SENP7: variants seen among roughly 807,000 people sequenced by gnomAD.
SENP7 encodes SUMO specific peptidase 7.
A neutral mutation model predicts 141.2 loss-of-function variants in SENP7; 64 were observed. The ratio of observed to expected loss-of-function variants is 0.45; its 90% confidence interval spans 0.37 to 0.56. SENP7 has a LOEUF of 0.56. Ranked by LOEUF, SENP7 falls within the 20% of genes least tolerant of loss-of-function variation. The pLI is 0.00. For missense variants in SENP7, 1,025 were observed against 1,212.2 expected (o/e 0.85, Z 2.29); for synonymous variants, 382 against 426.4 (o/e 0.90, Z 1.28).
intron 1 of SENP7, among the ~76,000 whole-genome samples, chr3:101,512,599 A>C (rs1010880573): frequency 6.6e-6 from 1 of 152,194 alleles, no homozygotes; most frequent in Admixed American, 6.5e-5. Flanking sequence ...GTATCAAAGA[A>C]AAGGAGTCTC....
At chr3:101,489,864 C>T (rs555987350) in intron 3 of SENP7, among the ~76,000 whole-genome samples, 20 of 152,250 alleles carry the variant, frequency 1.3e-4, no homozygotes, top group African/African-American at 4.3e-4. Context: ...TTTTTAACGT[C>T]ATTAGTCATC....
At chr3:101,420,206 A>G (rs1024319803) in intron 4 of SENP7, among the ~76,000 whole-genome samples, 2 of 152,204 alleles carry the variant, frequency 1.3e-5, no homozygotes, top group African/African-American at 4.8e-5. Flanking sequence ...TCTCTACTAA[A>G]AAATACAAAA....
intron 1 of SENP7, among the ~76,000 whole-genome samples, chr3:101,505,135 G>A (rs1002393994): frequency 2.0e-5 from 3 of 152,142 alleles, no homozygotes; most frequent in Non-Finnish European, 4.4e-5. Flanking sequence ...ATAAGTAGGG[G>A]CTAAATAATG....
chr3:101,336,434 T>C lies in SENP7; in HGVS notation c.2480+1075A>G, dbSNP rs191691731. Among the ~76,000 whole-genome samples the C allele has an allele frequency of 2.6e-5, 4 of 152,334 alleles. No homozygotes were observed. In the East Asian group the frequency reaches 7.7e-4, roughly 29 times the overall value. On this transcript the variant is annotated intron_variant, in intron 17 of 23. Coordinates refer to ENST00000394095, the MANE Select transcript of SENP7 (RefSeq NM_020654.5). ...ACAATAAAAACTTTGGACTAGAAGT[T>C]AAAAGGTAAAGATTTAAGTACCAAC...
intron 5 of SENP7, among the ~76,000 whole-genome samples, chr3:101,404,153 T>TA (rs1438129704): frequency 1.6e-4 from 25 of 152,226 alleles, no homozygotes; most frequent in Admixed American, 1.6e-3. Flanking sequence ...AGAATCACCT[T>TA]ACATCCCTTC....
At chr3:101,480,692 G>T (rs2064433267) in intron 3 of SENP7, among the ~76,000 whole-genome samples, 2 of 152,014 alleles carry the variant, frequency 1.3e-5, no homozygotes, top group South Asian at 4.1e-4. Flanking sequence ...AGAATGAAGA[G>T]ACAGTCTAAA....
intron 5 of SENP7, among the ~76,000 whole-genome samples, chr3:101,401,528 CAA>C (rs60381137): frequency 1.5e-5 from 2 of 130,288 alleles, no homozygotes; most frequent in African/African-American, 2.9e-5. Flanking sequence ...CACTCCATCT[CAA>C]AAAAAAAAAG....
At chr3:101,418,731 C>T (rs1198441835) in intron 4 of SENP7, among the ~76,000 whole-genome samples, 1 of 151,632 alleles carries the variant, frequency 6.6e-6, no homozygotes, top group Non-Finnish European at 1.5e-5. Flanking sequence ...TGTATATCCC[C>T]AAACCATCTA....
At chr3:101,395,486 C>T (rs150830145) in intron 6 of SENP7, among the ~76,000 whole-genome samples, 103 of 152,236 alleles carry the variant, frequency 6.8e-4, no homozygotes, top group African/African-American at 2.3e-3. Context: ...TGTTCTGTTC[C>T]GTTGGCCTAT....
At chr3:101,511,360 TA>T (rs1445479203) in intron 1 of SENP7, among the ~76,000 whole-genome samples, 1 of 152,172 alleles carries the variant, frequency 6.6e-6, no homozygotes, top group Non-Finnish European at 1.5e-5. Flanking sequence ...AAAAATGTAT[TA>T]AACCTAGATG....
chr3:101,335,150 G>C (rs2059152437), intron 17 of SENP7, among the ~76,000 whole-genome samples: 1 of 152,132 alleles, frequency 6.6e-6, no homozygotes, highest in African/African-American at 2.4e-5. Flanking sequence ...AGTTGTTTCA[G>C]GCAGAAAATA....
At chr3:101,496,035 T>C (rs2065145857) in intron 2 of SENP7, among the ~76,000 whole-genome samples, 1 of 152,176 alleles carries the variant, frequency 6.6e-6, no homozygotes, top group Non-Finnish European at 1.5e-5. Flanking sequence ...ATGTTCATGA[T>C]ATATAGGTAA....
At chr3:101,347,688 C>T (rs1324734309) in intron 13 of SENP7, 184 bp downstream of exon 13, 10 of 343,026 alleles carry the variant, frequency 2.9e-5, no homozygotes, top group African/African-American at 2.0e-4. Flanking sequence ...TGCCACTGCA[C>T]TCCAGCCTGG....
At position 101,377,588 on chromosome 3, in the gene SENP7, A is replaced by G. The variant is rs78646364; in HGVS notation, c.678-5462T>C. Among the ~76,000 whole-genome samples the G allele has an allele frequency of 2.2e-3, 329 of 152,324 alleles. 3 individuals are homozygous for G. The East Asian group carries it at 0.051, about 24-fold the overall frequency. ...CCCTCATGGTTCAGCAGAGGAAGGA[A>G]AACATTTTCAAATATATCAGAGCAT... On this transcript the variant is annotated intron_variant, in intron 6 of 23. Transcript: ENST00000394095.
chr3:101,449,736 G>A (rs571710534), intron 4 of SENP7, among the ~76,000 whole-genome samples: 92 of 152,206 alleles, frequency 6.0e-4, no homozygotes, highest in African/African-American at 2.1e-3. Flanking sequence ...ACATGGAAAG[G>A]AACAACTGGT....
At chr3:101,466,333 G>A (rs1412279671) in intron 3 of SENP7, among the ~76,000 whole-genome samples, 1 of 151,950 alleles carries the variant, frequency 6.6e-6, no homozygotes, top group Non-Finnish European at 1.5e-5. Flanking sequence ...GTCAAACTGT[G>A]AAAAGTCAAA....
chr3:101,507,035 T>C (rs964512480), intron 1 of SENP7, among the ~76,000 whole-genome samples: 1 of 133,198 alleles, frequency 7.5e-6, no homozygotes, highest in South Asian at 2.3e-4. Flanking sequence ...CACTCCAGCC[T>C]AGGCAACAGA....
At chr3:101,400,687 C>A (rs1408858645) in intron 5 of SENP7, among the ~76,000 whole-genome samples, 1 of 150,530 alleles carries the variant, frequency 6.6e-6, no homozygotes, top group Admixed American at 6.7e-5. Flanking sequence ...CTCCTCAGGC[C>A]TCCTCCCTAT....
At chr3:101,504,065 G>A (rs115689426) in intron 1 of SENP7, among the ~76,000 whole-genome samples, 12 of 152,110 alleles carry the variant, frequency 7.9e-5, no homozygotes, top group African/African-American at 2.9e-4. Context: ...AATCTATATT[G>A]CTGAAATGAT....
Sources: gnomAD v4.1 joint callset for allele counts (sites outside exome capture counted in the v4.1 genomes callset) on GRCh38, gnomAD v4.1.1 for gene constraint, MANE v1.5 for transcripts, NCBI Gene and HGNC (gene_info 2026-07-23, HGNC 2026-07-21) for gene names.